The following NCAPD3 variants were observed in gnomAD, a reference collection of about 807,000 sequenced individuals.
The protein encoded by NCAPD3 is non-SMC condensin II complex subunit D3.
NCAPD3 carries 105 observed loss-of-function variants against 182.9 expected under a neutral mutation model. That is an observed-to-expected ratio of 0.57 (90% CI 0.49 to 0.68). The LOEUF (loss-of-function observed/expected upper bound fraction) is 0.68. NCAPD3 is among the 30% of genes least tolerant of loss of function. The pLI is 0.00. For synonymous variants in NCAPD3, 815 were observed against 679.9 expected (o/e 1.20, Z -3.09); for missense variants, 1,944 against 1,837.0 (o/e 1.06, Z -1.07).
At chr11:134,158,254 TG>T in intron 30 of NCAPD3, 74 bp downstream of exon 30, 1 of 1,576,746 alleles carries the variant, frequency 6.3e-7, no homozygotes, top group Non-Finnish European at 8.7e-7. Context: ...TGCCCACGCT[TG>T]GGAATGGCAG....
chr11:134,192,678 A>T lies in NCAPD3; in HGVS notation c.2045+11T>A. 1 of 1,608,436 alleles carries T rather than the reference A, an allele frequency of 6.2e-7. No individual in the cohort carries two copies. The highest frequency in any genetic ancestry group is 8.5e-7 in the Non-Finnish European group (1 of 1,174,872). ...CTTCTATAGGGAACACAGGTCATACAGTTAACCTACCTCAGTTCCTGGCTT... is the reference window on the plus strand; with the variant it reads ...CTTCTATAGGGAACACAGGTCATACTGTTAACCTACCTCAGTTCCTGGCTT... On this transcript the variant is annotated intron_variant, in intron 16 of 34. Coordinates refer to ENST00000534548, the MANE Select transcript of NCAPD3 (RefSeq NM_015261.3).
At chr11:134,214,744 C>T (rs1156977202) in intron 3 of NCAPD3, among the ~76,000 whole-genome samples, 1 of 152,168 alleles carries the variant, frequency 6.6e-6, no homozygotes, top group African/African-American at 2.4e-5. Flanking sequence ...CAAACATAAA[C>T]TTCTTTCAAA....
intron 22 of NCAPD3, chr11:134,177,750 T>G: frequency 5.3e-6 from 2 of 379,878 alleles, no homozygotes; most frequent in Non-Finnish European, 9.6e-6. Flanking sequence ...GTTATCCCCT[T>G]ACCTGGAAAA....
chr11:134,199,659 T>C (rs745549460), intron 13 of NCAPD3, among the ~76,000 whole-genome samples: 7 of 152,212 alleles, frequency 4.6e-5, no homozygotes, highest in Non-Finnish European at 7.3e-5. Context: ...TTTTTGGATA[T>C]GGTGTTTTGT....
At chr11:134,167,010 C>A (rs1228832821) in intron 27 of NCAPD3, among the ~76,000 whole-genome samples, 1 of 110,924 alleles carries the variant, frequency 9.0e-6, no homozygotes, top group Non-Finnish European at 1.7e-5. Context: ...AGGGGAGCTG[C>A]ACACTCACTA....
chr11:134,178,755 A>G lies in NCAPD3; in HGVS notation c.2675-14T>C, dbSNP rs1944227641. The G allele has an allele frequency of 6.2e-7, 1 of 1,608,888 alleles. No individual in the cohort carries two copies. The highest frequency in any genetic ancestry group is 8.5e-7 in the Non-Finnish European group (1 of 1,175,826). ...GAGATGATGGTGCTGCAAAGAAGGG[A>G]GAGAAAGTTACCGACAGAACCTTGA... is the stretch of plus-strand genomic sequence containing the variant. On this transcript the variant is annotated splice_polypyrimidine_tract_variant and intron_variant, in intron 21 of 34. Transcript: ENST00000534548.
At chr11:134,217,769 G>A (rs1490723669) in intron 2 of NCAPD3, among the ~76,000 whole-genome samples, 1 of 152,196 alleles carries the variant, frequency 6.6e-6, no homozygotes, top group Non-Finnish European at 1.5e-5. Flanking sequence ...CAAGTGAGCA[G>A]AGCACTCTCC....
intron 32 of NCAPD3, among the ~76,000 whole-genome samples, chr11:134,156,400 C>T (rs1256970850): frequency 1.3e-5 from 2 of 152,186 alleles, no homozygotes; most frequent in African/African-American, 2.4e-5. Context: ...TTTCTTCTTC[C>T]TGTAAGAGTT....
At position 134,192,673 on chromosome 11, in the gene NCAPD3, C is replaced by T. The variant is rs373096113; in HGVS notation, c.2045+16G>A. ...GCCTTCTTCTATAGGGAACACAGGT[C>T]ATACAGTTAACCTACCTCAGTTCCT... is the stretch of plus-strand genomic sequence containing the variant. On this transcript the variant is annotated intron_variant, in intron 16 of 34. Coordinates refer to ENST00000534548, the MANE Select transcript of NCAPD3 (RefSeq NM_015261.3). The T allele has an allele frequency of 6.9e-6, 11 of 1,602,494 alleles. No individual in the cohort carries two copies. The highest frequency in any genetic ancestry group is 9.4e-6 in the Non-Finnish European group (11 of 1,169,586).
rs762461003 is a variant in NCAPD3, at chr11:134,203,197, A to G, written c.1470T>C (p.Ser490=). 6.3e-7 allele frequency: 1 copy of G among 1,592,180 alleles called. No homozygotes were observed. Among genetic ancestry groups the G allele is most frequent in the East Asian group, 2.2e-5 (1 of 44,740 alleles). Residue 490 remains serine, a splice_region_variant and synonymous_variant, in exon 12 of 35, where the codon AGT becomes AGC. Transcript: ENST00000534548. ...SESILELLIN[S]PTFSVIESHP... is the part of the protein sequence containing the mutation. Reference sequence around the variant, plus strand: ...GACTCTCTATTACAGAAAACGTAGGACCTAAAAACAAGAAGAAAGATAAGA... The same window carrying G: ...GACTCTCTATTACAGAAAACGTAGGGCCTAAAAACAAGAAGAAAGATAAGA...
intron 4 of NCAPD3, among the ~76,000 whole-genome samples, 162 bp downstream of exon 4, chr11:134,210,108 A>G (rs1373433390): frequency 1.3e-5 from 2 of 152,210 alleles, no homozygotes; most frequent in Non-Finnish European, 2.9e-5. Context: ...AAGAAAAATT[A>G]TATGAAGCCG....
At chr11:134,188,269 A>G (rs1364676966) in intron 16 of NCAPD3, among the ~76,000 whole-genome samples, 1 of 152,020 alleles carries the variant, frequency 6.6e-6, no homozygotes. Flanking sequence ...TGTACCAATC[A>G]GCACTCTGTA....
chr11:134,219,550 T>C lies in NCAPD3; in HGVS notation c.219+1022A>G, dbSNP rs976554636. ...GTGTTATGCTGAAGGAATGTTTAAT[T>C]AGATGATTTAATTTTGTGATGTGAA... On this transcript the variant is annotated intron_variant, in intron 2 of 34. Coordinates refer to ENST00000534548, the MANE Select transcript of NCAPD3 (RefSeq NM_015261.3). Among the ~76,000 whole-genome samples the C allele has an allele frequency of 3.3e-5, 5 of 152,216 alleles. No individual in the cohort carries two copies. The South Asian group carries it at 6.2e-4, about 19-fold the overall frequency.
intron 23 of NCAPD3, among the ~76,000 whole-genome samples, 190 bp downstream of exon 23, chr11:134,177,029 T>G (rs1944185562): frequency 6.6e-6 from 1 of 152,220 alleles, no homozygotes; most frequent in South Asian, 2.1e-4. Context: ...AGTCCCAAAA[T>G]GAACATTCAC....
rs753095081 is a variant in NCAPD3, at chr11:134,159,965, T to G, written c.3794A>C (p.Gln1265Pro). The G allele has an allele frequency of 8.7e-6, 14 of 1,614,034 alleles. No homozygotes were observed. The change falls in exon 29 of 35, where the codon CAG becomes CCG. Residue 1265 changes from glutamine to proline, a missense_variant. Gln to Pro is a moderately conservative substitution (Grantham distance 76). Around this residue, in one of 3 missense-constraint regions of NCAPD3, gnomAD observed 1,803 missense variants for 1,674.6 expected, o/e 1.08. Transcript: ENST00000534548. ...TGCATGTTTTGCTAGCTCCTGCTCC[T>G]GGACCAGCTGTTCCTGGTACTTCTT... ...DMKKYQEQLV[Q>P]EQELAKHADV... is the part of the protein sequence containing the mutation.
At position 134,209,493 on chromosome 11, in the gene NCAPD3, A is replaced by G. The variant is rs955593573; in HGVS notation, c.568-16T>C. 39 of 1,602,552 alleles carry G rather than the reference A, an allele frequency of 2.4e-5. No individual in the cohort carries two copies. Among genetic ancestry groups the G allele is most frequent in the Non-Finnish European group, 3.3e-5 (39 of 1,174,398 alleles). On this transcript the variant is annotated splice_polypyrimidine_tract_variant and intron_variant, in intron 4 of 34. Transcript: ENST00000534548. ...TTTCATCCATCTAGATTATGAAGAA[A>G]TGTACAGGTGACTGTAATAAATGCC...
intron 20 of NCAPD3, among the ~76,000 whole-genome samples, chr11:134,179,549 C>T (rs530646500): frequency 4.1e-4 from 62 of 152,308 alleles, no homozygotes; most frequent in African/African-American, 1.4e-3. Flanking sequence ...GCTAATGTTT[C>T]GATTAGCTCT....
Position 134,168,098 on chromosome 11 carries a change from C to T in NCAPD3, c.3471G>A (p.Leu1157=). 3.1e-6 allele frequency: 5 copies of T among 1,614,124 alleles called. No individual in the cohort carries two copies. Among genetic ancestry groups the T allele is most frequent in the Non-Finnish European group, 4.2e-6 (5 of 1,179,994 alleles). Residue 1157 remains leucine, a synonymous_variant, in exon 27 of 35, where the codon TTG becomes TTA. Transcript: ENST00000534548. ...CTTTGTCTGGTTTAGATCTCATTGC[C>T]AAAAGCTTGATCTCCTTTGAGCTGA... ...EVLSSKEIKL[L]AMRSKPDKDL... is the part of the protein sequence containing the mutation.
At chr11:134,212,396 T>TGC (rs1335152544) in intron 3 of NCAPD3, among the ~76,000 whole-genome samples, 2 of 151,536 alleles carry the variant, frequency 1.3e-5, no homozygotes, top group Non-Finnish European at 3.0e-5. Context: ...TGTGTGTGTG[T>TGC]GTGTGTGTGT....
Sources: allele counts gnomAD v4.1 joint callset (sites outside exome capture counted in the v4.1 genomes callset), GRCh38; gene constraint gnomAD v4.1.1; regional missense constraint gnomAD v4.1.1; transcripts MANE v1.5; gene names NCBI Gene and HGNC (gene_info 2026-07-23, HGNC 2026-07-21).